Variants in DCAKD observed in about 807,000 individuals in gnomAD.
The protein encoded by DCAKD is dephospho-CoA kinase domain containing, also known as dephospho-CoA kinase domain-containing protein.
DCAKD carries 15 observed loss-of-function variants against 18.7 expected under a neutral mutation model. The ratio of observed to expected loss-of-function variants is 0.80; its 90% CI spans 0.54 to 1.24. DCAKD has a LOEUF of 1.24. DCAKD is among the 50% of genes most tolerant of loss of function. The pLI, the probability that DCAKD is intolerant of heterozygous loss-of-function variation, is 0.00. For missense variants in DCAKD, 301 were observed against 322.0 expected (o/e 0.93, Z 0.50); for synonymous variants, 130 against 133.0 (o/e 0.98, Z 0.16).
chr17:45,043,917 C>T (rs2053500616), intron 1 of DCAKD, among the ~76,000 whole-genome samples: 1 of 152,116 alleles, frequency 6.6e-6, no homozygotes, highest in Non-Finnish European at 1.5e-5. Flanking sequence ...TACCTCCCAC[C>T]TGCACAGCCC....
At chr17:45,026,576 T>C in intron 4 of DCAKD, 1 of 978,648 alleles carries the variant, frequency 1.0e-6, no homozygotes, top group Non-Finnish European at 1.2e-6. Context: ...TTGCCTACAC[T>C]GGTCTCAAAC....
chr17:45,043,622 C>T (rs1409330604), intron 1 of DCAKD, among the ~76,000 whole-genome samples: 7 of 152,328 alleles, frequency 4.6e-5, no homozygotes, highest in South Asian at 2.1e-4. Flanking sequence ...GGAGGCGGCA[C>T]GGACGCCCAG....
intron 1 of DCAKD, among the ~76,000 whole-genome samples, chr17:45,059,064 C>A (rs2053819740): frequency 6.6e-6 from 1 of 152,004 alleles, no homozygotes; most frequent in African/African-American, 2.4e-5. Flanking sequence ...CACGGTGAAA[C>A]CCCGTCTCTA....
chr17:45,052,833 A>G (rs1180252980), upstream of DCAKD, among the ~76,000 whole-genome samples: 3 of 151,562 alleles, frequency 2.0e-5, no homozygotes, highest in African/African-American at 7.3e-5. Context: ...ACTGCACTCC[A>G]GCCTGGGCAA....
intron 4 of DCAKD, among the ~76,000 whole-genome samples, chr17:45,025,109 C>T (rs1031345590): frequency 1.3e-5 from 2 of 150,512 alleles, no homozygotes; most frequent in Non-Finnish European, 3.0e-5. Flanking sequence ...CACCTGGAAC[C>T]AGCTACATCC....
rs775538184 is a variant in DCAKD at position 45,024,330 on chromosome 17, TGTGTGTGTGGGG to T, written c.*91_*102del. On this transcript the variant is annotated 3_prime_UTR_variant, in exon 5 of 5. Transcript: ENST00000651974. ...GTGTGTGTGTGTGTGTGTGTGTGTG[TGTGTGTGTGGGG>T]AGGGGGCTGAGAGGAAACAGGATGT... 1.3e-4 allele frequency: 56 copies of T among 432,732 alleles called. 2 individuals are homozygous for T. The highest frequency in any genetic ancestry group is 2.3e-4 in the African/African-American group (6 of 26,460). The allele number at this position is 432,732 out of a possible 1,614,324, so 26.8% of individuals were successfully genotyped here.
At chr17:45,041,855 A>T (rs1032133173) in intron 1 of DCAKD, among the ~76,000 whole-genome samples, 2 of 151,864 alleles carry the variant, frequency 1.3e-5, no homozygotes, top group Admixed American at 6.6e-5. Context: ...ATGGTGGCTC[A>T]CGCCTGCAAT....
intron 2 of DCAKD, 62 bp downstream of exon 2, chr17:45,034,712 C>T: frequency 6.5e-7 from 1 of 1,542,476 alleles, no homozygotes; most frequent in Non-Finnish European, 8.9e-7. Context: ...GGAGGCATGG[C>T]AGAAGGCCGG....
At chr17:45,030,236 G>A (rs1234310334) in intron 3 of DCAKD, 57 bp from the exon 4 acceptor site, 1 of 1,510,396 alleles carries the variant, frequency 6.6e-7, no homozygotes, top group Non-Finnish European at 9.2e-7. Context: ...ACTGAGGACT[G>A]ATGATATGCT....
At chr17:45,055,261 T>C (rs558739962), upstream of DCAKD, among the ~76,000 whole-genome samples, 1 of 152,362 alleles carries the variant, frequency 6.6e-6, no homozygotes, top group East Asian at 1.9e-4. Context: ...TTTAGCATGA[T>C]GCCTGGAATA....
chr17:45,045,071 T>TA (rs1303489975), intron 1 of DCAKD, among the ~76,000 whole-genome samples: 3 of 149,876 alleles, frequency 2.0e-5, no homozygotes, highest in Admixed American at 6.7e-5. Flanking sequence ...GGTATCTAGA[T>TA]ATCTATAGGC....
At position 45,034,912 on chromosome 17, in the gene DCAKD, G is replaced by A. The variant is rs543710931; in HGVS notation, c.-27C>T. The A allele has an allele frequency of 1.2e-6, 2 of 1,611,436 alleles. No individual in the cohort carries two copies. Among genetic ancestry groups the A allele is most frequent in the East Asian group, 4.5e-5 (2 of 44,852 alleles). On this transcript the variant is annotated 5_prime_UTR_variant, in exon 2 of 5. Transcript: ENST00000651974. ...TTCCAGGAAAGAGAGCTGTCCGCGA[G>A]ACTACGGAGCCAGGAGCTACAGAAT...
At chr17:45,054,491 G>A (rs906373911), upstream of DCAKD, among the ~76,000 whole-genome samples, 4 of 151,848 alleles carry the variant, frequency 2.6e-5, no homozygotes, top group African/African-American at 9.7e-5. Context: ...CAGGCGATCT[G>A]CCTGCCTCAG....
Position 45,024,255 on chromosome 17 carries a change from G to C in DCAKD, c.*178C>G. The stretch of plus-strand genomic sequence containing the variant: ...TACACTCCAAAGACGGGATGGCCTG[G>C]CACAGAGGCCCAGCCCTGATTCGGA... On this transcript the variant is annotated 3_prime_UTR_variant, in exon 5 of 5. Transcript: ENST00000651974. The C allele has an allele frequency of 1.2e-6, 1 of 804,574 alleles. No individual in the cohort carries two copies. 49.8% of individuals were successfully genotyped at this position (804,574 alleles called of 1,614,324 possible). A position where few individuals can be genotyped will look rare whatever the true frequency, so the allele number is the denominator to read the frequency against.
upstream of DCAKD, among the ~76,000 whole-genome samples, chr17:45,052,841 C>T (rs372379955): frequency 6.1e-5 from 9 of 147,302 alleles, no homozygotes; most frequent in East Asian, 4.1e-4. Flanking sequence ...CCAGCCTGGG[C>T]AACAAAACGA....
Position 45,024,398 on chromosome 17 carries a change from A to G in DCAKD, c.*35T>C. The G allele has an allele frequency of 6.4e-7, 1 of 1,570,404 alleles. No homozygotes were observed. The highest frequency in any genetic ancestry group is 8.7e-7 in the Non-Finnish European group (1 of 1,152,854). ...CTGGCTTCAGCCTCCAAGGAGATAG[A>G]TGGAGGCCTGGGGCTCCCTGCCTTG... On this transcript the variant is annotated 3_prime_UTR_variant, in exon 5 of 5. Transcript: ENST00000651974.
intron 1 of DCAKD, among the ~76,000 whole-genome samples, chr17:45,058,333 AT>A (rs1403871336): frequency 2.0e-5 from 3 of 152,172 alleles, no homozygotes; most frequent in African/African-American, 7.2e-5. Flanking sequence ...ATAAATAAAA[AT>A]AACACACAAA....
upstream of DCAKD, chr17:45,054,160 C>T (rs1177599344): frequency 3.9e-6 from 2 of 518,172 alleles, no homozygotes; most frequent in Non-Finnish European, 7.7e-6. Context: ...AAACACCCTG[C>T]CAGTATTTGA....
At position 45,034,206 on chromosome 17, in the gene DCAKD, C is replaced by G. The variant is rs142327107; in HGVS notation, c.297G>C (p.Thr99=). 1 of 1,613,816 alleles carries G rather than the reference C, an allele frequency of 6.2e-7. No homozygotes were observed. The highest frequency in any genetic ancestry group is 8.5e-7 in the Non-Finnish European group (1 of 1,179,972). The change falls in exon 3 of 5, where the codon ACG becomes ACC. Residue 99 remains threonine (T), a synonymous_variant. Transcript: ENST00000651974. ...ACTTACCCCGGAGGAAGTACTTGAA[C>G]GTCTCCTTCATCATCTCCTTGCGAA... ...PEIRKEMMKE[T]FKYFLRGYRY... is the part of the protein sequence containing the mutation.
Sources: gnomAD v4.1 joint callset for allele counts (sites outside exome capture counted in the v4.1 genomes callset) on GRCh38, gnomAD v4.1.1 for gene constraint, MANE v1.5 for transcripts, NCBI Gene and HGNC (gene_info 2026-07-23, HGNC 2026-07-21) for gene names.